The following XKR4 variants were observed in gnomAD, a reference collection of about 807,000 sequenced individuals.
The protein encoded by XKR4 is XK related 4, also known as XK-related protein 4.
Under a neutral mutation model 53.9 loss-of-function variants are expected in XKR4, and 12 were observed. The ratio of observed to expected loss-of-function variants is 0.22; its 90% CI spans 0.14 to 0.36. The LOEUF is 0.36. XKR4 is among the 10% of genes least tolerant of loss of function. The pLI is 1.00. For missense variants in XKR4, 799 were observed against 859.5 expected, an observed-to-expected ratio of 0.93 and a Z score of 0.88; for synonymous variants, 354 against 362.4, an observed-to-expected ratio of 0.98 and a Z score of 0.26.
chr8:55,263,610 A>G (rs1818559281), intron 1 of XKR4, among the ~76,000 whole-genome samples: 1 of 152,226 alleles, frequency 6.6e-6, no homozygotes, highest in Admixed American at 6.5e-5. Flanking sequence ...CTTTTCACCC[A>G]AGGATGGCAA....
Position 55,172,248 on chromosome 8 carries a change from G to A in XKR4, c.806+68954G>A, listed in dbSNP as rs535160508. ...AAGTCCCCGTTTTCCTTCACTTACA[G>A]GATATAGGCCTTAGGAAGCTACTCA... is the stretch of plus-strand genomic sequence containing the variant. On this transcript the variant is annotated intron_variant, in intron 1 of 2. Transcript: ENST00000327381. 7.9e-5 allele frequency among the ~76,000 whole-genome samples: 12 copies of A among 151,344 alleles called. No homozygotes were observed. The East Asian group carries it at 2.3e-3, about 29-fold the overall frequency.
intron 2 of XKR4, among the ~76,000 whole-genome samples, chr8:55,435,640 G>C (rs1350293111): frequency 6.6e-6 from 1 of 150,850 alleles, no homozygotes; most frequent in African/African-American, 2.4e-5. Context: ...CATGAACACA[G>C]CTAACTGCAG....
chr8:55,155,130 A>G (rs1256500933), intron 1 of XKR4, among the ~76,000 whole-genome samples: 4 of 152,210 alleles, frequency 2.6e-5, no homozygotes, highest in African/African-American at 9.6e-5. Flanking sequence ...TGAGTCCAAA[A>G]CAGAGTAGGG....
At chr8:55,480,323 C>A (rs184742697) in intron 2 of XKR4, among the ~76,000 whole-genome samples, 208 of 152,246 alleles carry the variant, frequency 1.4e-3, no homozygotes, top group African/African-American at 4.6e-3. Flanking sequence ...TCAATAGATG[C>A]AGAAAACGCC....
intron 1 of XKR4, among the ~76,000 whole-genome samples, chr8:55,300,883 A>C (rs1258168022): frequency 6.6e-6 from 1 of 152,304 alleles, no homozygotes; most frequent in East Asian, 1.9e-4. Context: ...GCTCTACACT[A>C]TAAGGCTAAG....
At chr8:55,307,445 A>T (rs1819320009) in intron 1 of XKR4, among the ~76,000 whole-genome samples, 1 of 152,212 alleles carries the variant, frequency 6.6e-6, no homozygotes, top group South Asian at 2.1e-4. Flanking sequence ...TGAGCCCAGG[A>T]GTTCAAGACC....
intron 1 of XKR4, among the ~76,000 whole-genome samples, chr8:55,108,757 G>C (rs76830452): frequency 0.016 from 2,484 of 152,164 alleles, 60 homozygotes; most frequent in African/African-American, 0.056. Context: ...ACATTTAACT[G>C]TCCAGAGAGC....
At chr8:55,256,685 A>T (rs951325785) in intron 1 of XKR4, among the ~76,000 whole-genome samples, 1 of 152,168 alleles carries the variant, frequency 6.6e-6, no homozygotes, top group African/African-American at 2.4e-5. Context: ...TGCCTACTAA[A>T]TGCTAAAGGT....
chr8:55,388,449 T>G (rs765287975), intron 2 of XKR4, among the ~76,000 whole-genome samples: 30 of 151,244 alleles, frequency 2.0e-4, no homozygotes, highest in Non-Finnish European at 4.0e-4. Context: ...TAGCAGAAAT[T>G]TATTTTTCAC....
chr8:55,523,706 T>TA lies in XKR4; in HGVS notation c.1433dup (p.Tyr478Ter). 2 of 1,614,214 alleles carry TA rather than the reference T, an allele frequency of 1.2e-6. No individual in the cohort carries two copies. The highest frequency in any genetic ancestry group is 1.7e-6 in the Non-Finnish European group (2 of 1,180,042). The stretch of plus-strand genomic sequence containing the variant: ...AGCCTTGAGTGCCCTCTGGTACCTC[T>TA]ACAAGGCTCCCCAGATTGCAGACGC... ...NTALSALWYL[Y>*]KAPQIADAFA... The change falls in exon 3 of 3, where the codon TAC (tyrosine) becomes TAAC (stop). Residue 478 changes from tyrosine to a stop codon, truncating the protein, a stop_gained and frameshift_variant. Coordinates refer to ENST00000327381, the MANE Select transcript of XKR4 (RefSeq NM_052898.2). LOFTEE classifies it high-confidence loss of function.
At chr8:55,311,529 G>A (rs958157880) in intron 1 of XKR4, among the ~76,000 whole-genome samples, 2 of 152,188 alleles carry the variant, frequency 1.3e-5, no homozygotes, top group African/African-American at 4.8e-5. Context: ...GGGGAACCCA[G>A]ATCATGCAGT....
chr8:55,219,797 G>A (rs1234203794), intron 1 of XKR4, among the ~76,000 whole-genome samples: 1 of 152,088 alleles, frequency 6.6e-6, no homozygotes, highest in African/African-American at 2.4e-5. Flanking sequence ...GGTGACAAGG[G>A]CTCAGAAATA....
chr8:55,351,257 T>C (rs898162356), intron 1 of XKR4, among the ~76,000 whole-genome samples: 2 of 152,250 alleles, frequency 1.3e-5, no homozygotes, highest in African/African-American at 2.4e-5. Context: ...CCTTGGTTTA[T>C]AGATGTTTGA....
intron 2 of XKR4, among the ~76,000 whole-genome samples, chr8:55,477,112 C>CA (rs1383923229): frequency 9.4e-5 from 1 of 10,604 alleles, no homozygotes; most frequent in Admixed American, 7.4e-4. Flanking sequence ...GGGTCCCTGA[C>CA]CCCGAGCAGC....
At chr8:55,419,405 A>G (rs975307555) in intron 2 of XKR4, among the ~76,000 whole-genome samples, 1 of 152,180 alleles carries the variant, frequency 6.6e-6, no homozygotes, top group African/African-American at 2.4e-5. Context: ...CCATGACACA[A>G]CACCTCATTG....
In XKR4 at chr8:55,487,612, A is replaced by G. The variant is rs117835639; in HGVS notation, c.1007-35669A>G. On this transcript the variant is annotated intron_variant, in intron 2 of 2. Transcript: ENST00000327381. ...TTCCCGAGTAAGTGGGATTACAGGT[A>G]TGCATCACCATGCCCAGATAACTTT... 2.1e-3 allele frequency among the ~76,000 whole-genome samples: 319 copies of G among 152,156 alleles called. 5 individuals carry two copies. Among genetic ancestry groups the G allele is most frequent in the East Asian group, 0.017 (89 of 5,166 alleles).
chr8:55,497,668 A>G (rs1399572734), intron 2 of XKR4, among the ~76,000 whole-genome samples: 3 of 152,210 alleles, frequency 2.0e-5, no homozygotes, highest in African/African-American at 2.4e-5. Context: ...AAACAAATGC[A>G]AGTGTCAAAG....
chr8:55,514,610 C>T (rs1806684769), intron 2 of XKR4, among the ~76,000 whole-genome samples: 1 of 152,106 alleles, frequency 6.6e-6, no homozygotes, highest in Admixed American at 6.5e-5. Flanking sequence ...GCTTGTCTTC[C>T]TGTCTCCATC....
chr8:55,160,055 G>A (rs1377304441), intron 1 of XKR4, among the ~76,000 whole-genome samples: 1 of 152,168 alleles, frequency 6.6e-6, no homozygotes, highest in Non-Finnish European at 1.5e-5. Flanking sequence ...AAATGATGTA[G>A]GAATGTAGAG....
Sources: allele counts gnomAD v4.1 joint callset (sites outside exome capture counted in the v4.1 genomes callset), GRCh38; gene constraint gnomAD v4.1.1; transcripts MANE v1.5; gene names NCBI Gene and HGNC (gene_info 2026-07-23, HGNC 2026-07-21).